The following PDS5A variants were observed in gnomAD, a reference collection of about 807,000 sequenced individuals.
The protein encoded by PDS5A is PDS5 cohesin associated factor A, also known as sister chromatid cohesion protein PDS5 homolog A.
A neutral mutation model predicts 167.1 loss-of-function variants in PDS5A; 42 were observed. The ratio of observed to expected loss-of-function variants is 0.25; its 90% CI spans 0.20 to 0.33. PDS5A has a LOEUF of 0.33. Among genes scored for constraint, PDS5A ranks in the 10% least tolerant of loss-of-function variants. The probability of loss-of-function intolerance (pLI) is 1.00; values close to 1 mark genes in which losing one functional copy is unlikely to be tolerated. For synonymous variants in PDS5A, 553 were observed against 554.6 expected, an observed-to-expected ratio of 1.00 and a Z score of 0.04; for missense variants, 1,033 against 1,605.9, an observed-to-expected ratio of 0.64 and a Z score of 6.10.
At chr4:39,839,693 T>C (rs1716769363) in intron 31 of PDS5A, among the ~76,000 whole-genome samples, 1 of 142,236 alleles carries the variant, frequency 7.0e-6, no homozygotes, top group Non-Finnish European at 1.5e-5. Flanking sequence ...CTAAAATATT[T>C]GATGACTACA....
At chr4:39,965,826 T>C (rs1456276182) in intron 2 of PDS5A, among the ~76,000 whole-genome samples, 2 of 152,048 alleles carry the variant, frequency 1.3e-5, no homozygotes, top group African/African-American at 2.4e-5. Context: ...AGAGTTCCAG[T>C]TGGGGAAGAT....
At chr4:39,872,916 G>A in intron 21 of PDS5A, 70 bp downstream of exon 21, 1 of 719,816 alleles carries the variant, frequency 1.4e-6, no homozygotes, top group African/African-American at 1.8e-5. Context: ...AGAAACAGAA[G>A]TGTTTCTGTG....
chr4:39,966,012 C>T (rs954293950), intron 2 of PDS5A, among the ~76,000 whole-genome samples: 3 of 152,050 alleles, frequency 2.0e-5, no homozygotes, highest in African/African-American at 7.2e-5. Flanking sequence ...CAACAGATAA[C>T]CAGAACAGTT....
chr4:39,838,587 G>A (rs1716654041), intron 31 of PDS5A, among the ~76,000 whole-genome samples: 1 of 152,200 alleles, frequency 6.6e-6, no homozygotes. Context: ...GCCGGGCATG[G>A]TGGCTTGTGC....
At position 39,913,706 on chromosome 4, in the gene PDS5A, T is replaced by G. The variant is rs375996043; in HGVS notation, c.897A>C (p.Arg299=). 86 of 1,597,454 alleles carry G rather than the reference T, an allele frequency of 5.4e-5. No individual in the cohort carries two copies. Among genetic ancestry groups the G allele is most frequent in the Non-Finnish European group, 7.0e-5 (81 of 1,165,118 alleles). Residue 299 remains arginine, a synonymous_variant, in exon 9 of 33, where the codon CGA becomes CGC. Coordinates refer to ENST00000303538, the MANE Select transcript of PDS5A (RefSeq NM_001100399.2). Reference sequence around the variant, plus strand: ...TAGCTAGAAGTCGAACAACAGCTAATCGCTCTTCTCCATCATTGCTCTAAG... The same window carrying G: ...TAGCTAGAAGTCGAACAACAGCTAAGCGCTCTTCTCCATCATTGCTCTAAG... ...FKLKSNDGEE[R]LAVVRLLAKL... is the part of the protein sequence containing the mutation.
intron 9 of PDS5A, among the ~76,000 whole-genome samples, chr4:39,911,583 A>G (rs1452374924): frequency 1.3e-5 from 2 of 152,108 alleles, no homozygotes; most frequent in African/African-American, 4.8e-5. Context: ...CTGCAATCTC[A>G]GCACTTTGGG....
chr4:39,924,184 C>A (rs1452702878), intron 5 of PDS5A, among the ~76,000 whole-genome samples: 1 of 152,088 alleles, frequency 6.6e-6, no homozygotes, highest in East Asian at 1.9e-4. Context: ...CACTTCAGCC[C>A]ACCTCAGCTT....
At chr4:39,965,428 G>A (rs1390929443) in intron 2 of PDS5A, among the ~76,000 whole-genome samples, 1 of 152,142 alleles carries the variant, frequency 6.6e-6, no homozygotes, top group Non-Finnish European at 1.5e-5. Flanking sequence ...GCTAAACCCT[G>A]CCTGAATTCC....
intron 11 of PDS5A, among the ~76,000 whole-genome samples, chr4:39,907,618 G>A (rs576279498): frequency 4.8e-5 from 7 of 145,568 alleles, no homozygotes; most frequent in Admixed American, 1.4e-4. Flanking sequence ...ACAGAGTCTC[G>A]CTTTGTCACC....
chr4:39,952,556 A>T (rs1420776230), intron 2 of PDS5A, among the ~76,000 whole-genome samples: 2 of 151,736 alleles, frequency 1.3e-5, no homozygotes, highest in Non-Finnish European at 2.9e-5. Flanking sequence ...CTATCCTATC[A>T]CTCAGGACAG....
At chr4:39,946,307 A>C (rs1321949008) in intron 2 of PDS5A, among the ~76,000 whole-genome samples, 2 of 152,064 alleles carry the variant, frequency 1.3e-5, no homozygotes, top group Non-Finnish European at 2.9e-5. Context: ...TAATTATGGC[A>C]GGAGCAGTGA....
chr4:39,867,857 C>A (rs1250044654), intron 22 of PDS5A, among the ~76,000 whole-genome samples: 1 of 151,650 alleles, frequency 6.6e-6, no homozygotes, highest in Non-Finnish European at 1.5e-5. Flanking sequence ...TTTGAAGAAA[C>A]CATCAAGTCT....
chr4:39,964,487 T>G (rs1729788882), intron 2 of PDS5A, among the ~76,000 whole-genome samples: 1 of 152,156 alleles, frequency 6.6e-6, no homozygotes, highest in Non-Finnish European at 1.5e-5. Flanking sequence ...GAGGATGGCT[T>G]GAGGCCAAAA....
intron 2 of PDS5A, among the ~76,000 whole-genome samples, chr4:39,930,654 G>GT (rs1340397347): frequency 1.3e-5 from 2 of 152,058 alleles, no homozygotes; most frequent in Admixed American, 6.6e-5. Flanking sequence ...TAAGACAACC[G>GT]TATCAGGTTT....
intron 5 of PDS5A, 109 bp from the exon 6 acceptor site, chr4:39,922,857 A>G (rs1251756527): frequency 1.6e-6 from 2 of 1,254,922 alleles, no homozygotes; most frequent in Non-Finnish European, 2.0e-6. Flanking sequence ...TCTCACATGT[A>G]AAGGATTTTC....
chr4:39,961,384 C>A (rs1017130805), intron 2 of PDS5A, among the ~76,000 whole-genome samples: 1 of 152,040 alleles, frequency 6.6e-6, no homozygotes, highest in Non-Finnish European at 1.5e-5. Flanking sequence ...CTGTCTCAGC[C>A]TCCTCAGTAG....
rs760995296 is a variant in PDS5A, at chr4:39,838,162, C to T, written c.3704G>A (p.Arg1235Gln). Residue 1235 changes from arginine (R) to glutamine (Q), a missense_variant, in exon 32 of 33, where the codon CGA (arginine) becomes CAA (glutamine). This residue lies in a region of PDS5A where 233 missense variants were observed against 264.0 expected (regional missense o/e 0.88). Coordinates refer to ENST00000303538, the MANE Select transcript of PDS5A (RefSeq NM_001100399.2). ...TGCTGTTACTGTTCTTTTCTTTCCT[C>T]GGTCACTGCTGATGTTGCCCTGGGT... ...QATQGNISSD[R>Q]GKKRTVTAAG... The T allele has an allele frequency of 8.1e-6, 13 of 1,612,446 alleles. No individual in the cohort carries two copies. Among genetic ancestry groups the T allele is most frequent in the East Asian group, 4.5e-5 (2 of 44,882 alleles).
intron 2 of PDS5A, among the ~76,000 whole-genome samples, chr4:39,961,353 T>C (rs1489418247): frequency 6.6e-6 from 1 of 151,992 alleles, no homozygotes; most frequent in Non-Finnish European, 1.5e-5. Context: ...GGCTGAAGGG[T>C]AGTGGCGCCA....
At chr4:39,833,014 A>T (rs1465128529) in intron 32 of PDS5A, among the ~76,000 whole-genome samples, 3 of 149,200 alleles carry the variant, frequency 2.0e-5, no homozygotes, top group Non-Finnish European at 4.5e-5. Flanking sequence ...AAAAAATAAT[A>T]AATAAATAAA....
Sources: allele counts gnomAD v4.1 joint callset (sites outside exome capture counted in the v4.1 genomes callset), GRCh38; gene constraint gnomAD v4.1.1; regional missense constraint gnomAD v4.1.1; transcripts MANE v1.5; gene names NCBI Gene and HGNC (gene_info 2026-07-23, HGNC 2026-07-21).